The following FMN2 variants were observed in gnomAD, a reference collection of about 807,000 sequenced individuals.
The protein encoded by FMN2 is formin-2.
Under a neutral mutation model 142.3 loss-of-function variants are expected in FMN2, and 51 were observed. That is an observed-to-expected ratio of 0.36 (90% CI 0.29 to 0.45). FMN2 has a LOEUF of 0.45. FMN2 is among the 20% of genes least tolerant of loss of function. FMN2 has a pLI of 1.00. For synonymous variants in FMN2, 882 were observed against 869.8 expected (o/e 1.01, Z -0.25); for missense variants, 1,936 against 2,122.8 (o/e 0.91, Z 1.73).
At chr1:240,364,281 A>G (rs188293581) in intron 14 of FMN2, among the ~76,000 whole-genome samples, 152 of 152,262 alleles carry the variant, frequency 1.0e-3, no homozygotes, top group Admixed American at 7.9e-3. Flanking sequence ...AGAGACCCAG[A>G]TAGGGCCGTT....
chr1:240,354,980 C>G (rs937060911), intron 13 of FMN2, among the ~76,000 whole-genome samples: 1 of 152,092 alleles, frequency 6.6e-6, no homozygotes, highest in Non-Finnish European at 1.5e-5. Flanking sequence ...AAATGGCAGA[C>G]ATTTCTTCAG....
chr1:240,385,499 A>T (rs1673375588), intron 14 of FMN2, among the ~76,000 whole-genome samples: 1 of 152,188 alleles, frequency 6.6e-6, no homozygotes. Context: ...CTGTAGGTAG[A>T]GTAATATATA....
At chr1:240,324,743 C>G (rs1004821061) in intron 8 of FMN2, among the ~76,000 whole-genome samples, 1 of 151,778 alleles carries the variant, frequency 6.6e-6, no homozygotes, top group Non-Finnish European at 1.5e-5. Flanking sequence ...AAAACAAAAA[C>G]AGGTTTAGCT....
chr1:240,303,530 T>C (rs565854041), intron 8 of FMN2, among the ~76,000 whole-genome samples: 2 of 152,268 alleles, frequency 1.3e-5, no homozygotes, highest in South Asian at 4.1e-4. Flanking sequence ...CTGCAGAGAT[T>C]CTTATTGAGC....
At chr1:240,165,183 T>C (rs973285954) in intron 2 of FMN2, among the ~76,000 whole-genome samples, 9 of 152,200 alleles carry the variant, frequency 5.9e-5, no homozygotes, top group South Asian at 2.1e-4. Context: ...TTTCTTTCTG[T>C]TTAAAAATTT....
intron 11 of FMN2, among the ~76,000 whole-genome samples, chr1:240,332,869 T>C (rs1044478455): frequency 1.3e-5 from 2 of 152,168 alleles, no homozygotes; most frequent in Admixed American, 1.3e-4. Flanking sequence ...ATTCAGGTGC[T>C]GCCAACCGTT....
At chr1:240,413,569 G>C (rs977541107) in intron 15 of FMN2, among the ~76,000 whole-genome samples, 3 of 152,124 alleles carry the variant, frequency 2.0e-5, no homozygotes, top group Non-Finnish European at 4.4e-5. Flanking sequence ...AGAAGGGCTT[G>C]TTTCCTTTGG....
chr1:240,447,801 G>A (rs777426633), intron 16 of FMN2, among the ~76,000 whole-genome samples: 15 of 152,152 alleles, frequency 9.9e-5, no homozygotes, highest in Non-Finnish European at 2.1e-4. Flanking sequence ...TTAGAGGAGT[G>A]CACAAACCTA....
intron 15 of FMN2, among the ~76,000 whole-genome samples, chr1:240,427,354 C>T (rs12096827): frequency 0.099 from 15,054 of 151,566 alleles, 2,517 homozygotes; most frequent in African/African-American, 0.34. Context: ...TACAGGCGCC[C>T]GCCACCGCGC....
At chr1:240,419,247 C>T (rs1479822566) in intron 15 of FMN2, among the ~76,000 whole-genome samples, 1 of 151,746 alleles carries the variant, frequency 6.6e-6, no homozygotes, top group Non-Finnish European at 1.5e-5. Flanking sequence ...TTTTCATCTT[C>T]CTGGTTAACC....
chr1:240,395,159 C>T (rs969757200), intron 15 of FMN2, among the ~76,000 whole-genome samples: 4 of 152,066 alleles, frequency 2.6e-5, no homozygotes, highest in African/African-American at 9.7e-5. Context: ...AACAACAAAG[C>T]CTGCACATCT....
Position 240,093,349 on chromosome 1 carries a change from A to G in FMN2, c.1240A>G (p.Ile414Val). The change falls in exon 1 of 18, where the codon ATC becomes GTC. Residue 414 changes from isoleucine to valine, a missense_variant. Ile to Val is a conservative substitution (Grantham distance 29). Coordinates refer to ENST00000319653, the MANE Select transcript of FMN2 (RefSeq NM_020066.5). ...GCGCTGTTTCAAGCCCTACCCGCTC[A>G]TCACCCCCTGCTACATCAAGACCAC... ...SQRCFKPYPL[I>V]TPCYIKTTTR... 1 of 1,612,714 alleles carries G rather than the reference A, an allele frequency of 6.2e-7. No individual in the cohort carries two copies. Among genetic ancestry groups the G allele is most frequent in the Non-Finnish European group, 8.5e-7 (1 of 1,179,484 alleles).
intron 8 of FMN2, among the ~76,000 whole-genome samples, chr1:240,314,608 C>T (rs995109690): frequency 4.6e-5 from 7 of 152,196 alleles, no homozygotes; most frequent in East Asian, 1.9e-4. Context: ...TTTTGGAATA[C>T]TTTCATGTTC....
intron 2 of FMN2, among the ~76,000 whole-genome samples, chr1:240,136,251 C>A (rs1303319948): frequency 6.6e-6 from 1 of 151,982 alleles, no homozygotes; most frequent in Non-Finnish European, 1.5e-5. Flanking sequence ...TGATGTTTTT[C>A]CCCCGTTATG....
intron 13 of FMN2, among the ~76,000 whole-genome samples, chr1:240,352,089 T>C (rs1672114497): frequency 6.6e-6 from 1 of 152,210 alleles, no homozygotes; most frequent in African/African-American, 2.4e-5. Flanking sequence ...GATTTTTTTT[T>C]CCCTGCTAGC....
chr1:240,276,428 G>A (rs1669215264), intron 7 of FMN2, among the ~76,000 whole-genome samples: 3 of 152,072 alleles, frequency 2.0e-5, no homozygotes, highest in Admixed American at 2.0e-4. Context: ...AATATAATTT[G>A]AGGAGAAGCT....
intron 6 of FMN2, among the ~76,000 whole-genome samples, chr1:240,218,687 A>C (rs2103418172): frequency 6.6e-6 from 1 of 152,316 alleles, no homozygotes; most frequent in African/African-American, 2.4e-5. Flanking sequence ...AAAACTAAAC[A>C]GTGAACACTT....
In FMN2 at chr1:240,293,953, C is replaced by T. The variant is rs74151607; in HGVS notation, c.4154-869C>T. Reference sequence around the variant, plus strand: ...AGAGAAGAGACATTGTAAAATGCCTCTTATCAAAATAAATATATCCAGTTT... The same window carrying T: ...AGAGAAGAGACATTGTAAAATGCCTTTTATCAAAATAAATATATCCAGTTT... On this transcript the variant is annotated intron_variant, in intron 7 of 17. Transcript: ENST00000319653. Among the ~76,000 whole-genome samples the T allele has an allele frequency of 3.1e-3, 472 of 152,236 alleles. 3 individuals are homozygous for T. Among genetic ancestry groups the T allele is most frequent in the African/African-American group, 0.011 (447 of 41,530 alleles).
chr1:240,395,160 C>T (rs1456479622), intron 15 of FMN2, among the ~76,000 whole-genome samples: 1 of 152,104 alleles, frequency 6.6e-6, no homozygotes, highest in Non-Finnish European at 1.5e-5. Flanking sequence ...ACAACAAAGC[C>T]TGCACATCTG....
Sources: allele counts gnomAD v4.1 joint callset (sites outside exome capture counted in the v4.1 genomes callset), GRCh38; gene constraint gnomAD v4.1.1; transcripts MANE v1.5; gene names NCBI Gene and HGNC (gene_info 2026-07-23, HGNC 2026-07-21).